Variants in SLC4A10 observed in about 807,000 individuals in gnomAD.
SLC4A10 encodes the protein solute carrier family 4 member 10.
A neutral mutation model predicts 137.7 loss-of-function variants in SLC4A10; 42 were observed. The ratio of observed to expected loss-of-function variants is 0.30; its 90% CI spans 0.24 to 0.39. The LOEUF (loss-of-function observed/expected upper bound fraction) is 0.39. Among genes scored for constraint, SLC4A10 ranks in the 10% least tolerant of loss-of-function variants. The pLI, the probability that SLC4A10 is intolerant of heterozygous loss-of-function variation, is 1.00. For missense variants in SLC4A10, 925 were observed against 1,355.0 expected (o/e 0.68, Z 4.98); for synonymous variants, 474 against 464.1 (o/e 1.02, Z -0.27).
intron 1 of SLC4A10, among the ~76,000 whole-genome samples, chr2:161,676,212 G>A (rs1485530995): frequency 6.6e-6 from 1 of 152,180 alleles, no homozygotes; most frequent in Non-Finnish European, 1.5e-5. Flanking sequence ...GCATCAGACA[G>A]ATCTGCAAAA....
chr2:161,630,197 G>A (rs954502531), intron 1 of SLC4A10, among the ~76,000 whole-genome samples: 1 of 151,760 alleles, frequency 6.6e-6, no homozygotes, highest in African/African-American at 2.4e-5. Flanking sequence ...AGCATTTGGT[G>A]TTGTCAGTTT....
At chr2:161,884,494 T>C (rs893242486) in intron 10 of SLC4A10, among the ~76,000 whole-genome samples, 1 of 152,150 alleles carries the variant, frequency 6.6e-6, no homozygotes, top group Non-Finnish European at 1.5e-5. Context: ...ATTTCAGATT[T>C]AGGATGAGAA....
chr2:161,667,298 A>T (rs2039158198), intron 1 of SLC4A10, among the ~76,000 whole-genome samples: 1 of 151,720 alleles, frequency 6.6e-6, no homozygotes, highest in African/African-American at 2.4e-5. Context: ...TGCAAAAATT[A>T]TTACTGTGTT....
intron 15 of SLC4A10, among the ~76,000 whole-genome samples, chr2:161,922,543 A>G (rs1688322159): frequency 6.6e-6 from 1 of 152,140 alleles, no homozygotes; most frequent in African/African-American, 2.4e-5. Flanking sequence ...TCTGAAGGGT[A>G]ATGTAGCAAT....
chr2:161,940,268 T>C (rs935884613), intron 15 of SLC4A10, among the ~76,000 whole-genome samples: 1 of 152,158 alleles, frequency 6.6e-6, no homozygotes, highest in Non-Finnish European at 1.5e-5. Context: ...GCCAACTGTA[T>C]GTTCCCAAGA....
At chr2:161,838,282 A>AT (rs996405207) in intron 3 of SLC4A10, among the ~76,000 whole-genome samples, 26 of 84,224 alleles carry the variant, frequency 3.1e-4, no homozygotes, top group African/African-American at 1.0e-3. Flanking sequence ...TATGCAAAAA[A>AT]TAAAAAAAAA....
intron 1 of SLC4A10, among the ~76,000 whole-genome samples, chr2:161,767,121 A>G (rs1202026009): frequency 5.0e-5 from 4 of 79,690 alleles, no homozygotes; most frequent in South Asian, 3.7e-4. Context: ...ATATATATAT[A>G]TATATATATA....
intron 1 of SLC4A10, among the ~76,000 whole-genome samples, chr2:161,627,414 A>T (rs2032625733): frequency 6.6e-6 from 1 of 152,118 alleles, no homozygotes; most frequent in Non-Finnish European, 1.5e-5. Flanking sequence ...TAGATATGGG[A>T]CAGAAGCAGT....
chr2:161,961,182 G>A (rs965465954), intron 21 of SLC4A10, among the ~76,000 whole-genome samples: 2 of 152,180 alleles, frequency 1.3e-5, no homozygotes, highest in Non-Finnish European at 2.9e-5. Context: ...CTGCAGGACA[G>A]GCAGCACGGG....
At chr2:161,787,837 G>T (rs563488948) in intron 2 of SLC4A10, among the ~76,000 whole-genome samples, 1 of 151,728 alleles carries the variant, frequency 6.6e-6, no homozygotes, top group Non-Finnish European at 1.5e-5. Context: ...TCTTTGTATT[G>T]GTTTTCAACA....
At chr2:161,900,111 G>A (rs1229691188) in intron 11 of SLC4A10, among the ~76,000 whole-genome samples, 16 of 151,994 alleles carry the variant, frequency 1.1e-4, no homozygotes, top group Admixed American at 1.1e-3. Flanking sequence ...ACACATTGGT[G>A]TGCTCTAAGA....
chr2:161,927,200 C>T (rs1423476307), intron 15 of SLC4A10, among the ~76,000 whole-genome samples: 4 of 152,188 alleles, frequency 2.6e-5, no homozygotes, highest in African/African-American at 7.2e-5. Flanking sequence ...GTACACCAAT[C>T]GGACGTAGAT....
chr2:161,787,010 T>C (rs1279493761), intron 2 of SLC4A10, among the ~76,000 whole-genome samples: 1 of 152,108 alleles, frequency 6.6e-6, no homozygotes, highest in Non-Finnish European at 1.5e-5. Context: ...TATTGTCCTA[T>C]GTTCTTTTAT....
chr2:161,933,199 CTT>C (rs1256814397), intron 15 of SLC4A10, among the ~76,000 whole-genome samples: 6 of 103,296 alleles, frequency 5.8e-5, no homozygotes, highest in Non-Finnish European at 8.3e-5. Context: ...TTCTTTCTTT[CTT>C]TCTTTCTTTC....
At chr2:161,859,529 T>C (rs1051685399) in intron 5 of SLC4A10, among the ~76,000 whole-genome samples, 1 of 151,482 alleles carries the variant, frequency 6.6e-6, no homozygotes, top group Non-Finnish European at 1.5e-5. Context: ...TACTAGTTTT[T>C]CTAGAGTCTG....
intron 2 of SLC4A10, among the ~76,000 whole-genome samples, chr2:161,796,708 A>G (rs922718139): frequency 6.6e-6 from 1 of 152,164 alleles, no homozygotes; most frequent in Non-Finnish European, 1.5e-5. Flanking sequence ...AAGTGTTTTT[A>G]TCTTTGATTT....
At chr2:161,950,066 A>G (rs948450158) in intron 18 of SLC4A10, among the ~76,000 whole-genome samples, 1 of 152,032 alleles carries the variant, frequency 6.6e-6, no homozygotes, top group South Asian at 2.1e-4. Context: ...GACAGCAGCC[A>G]TGTTTGGAAT....
chr2:161,765,310 A>G (rs187724305), intron 1 of SLC4A10, among the ~76,000 whole-genome samples: 2 of 152,214 alleles, frequency 1.3e-5, no homozygotes, highest in African/African-American at 4.8e-5. Flanking sequence ...TATCTTATAA[A>G]TGTTTATCCA....
At chr2:161,626,280 A>G (rs903720951) in intron 1 of SLC4A10, among the ~76,000 whole-genome samples, 1 of 152,170 alleles carries the variant, frequency 6.6e-6, no homozygotes, top group Non-Finnish European at 1.5e-5. Context: ...GAACAGTTAA[A>G]GGGTTTAGGA....
Sources: gnomAD v4.1 joint callset for allele counts (sites outside exome capture counted in the v4.1 genomes callset) on GRCh38, gnomAD v4.1.1 for gene constraint, MANE v1.5 for transcripts, NCBI Gene and HGNC (gene_info 2026-07-23, HGNC 2026-07-21) for gene names.